The following SCHIP1 variants were observed in gnomAD, a reference collection of about 807,000 sequenced individuals.
The protein encoded by SCHIP1 is schwannomin-interacting protein 1.
SCHIP1 carries 8 observed loss-of-function variants against 29.7 expected under a neutral mutation model. The observed-to-expected ratio is 0.27, with a 90% CI of 0.16 to 0.49. The LOEUF (loss-of-function observed/expected upper bound fraction) is 0.49. Ranked by LOEUF, SCHIP1 falls within the 20% of genes least tolerant of loss-of-function variation. The pLI is 0.99. For missense variants in SCHIP1, 193 were observed against 294.6 expected, an observed-to-expected ratio of 0.66 and a Z score of 2.52; for synonymous variants, 76 against 94.9, an observed-to-expected ratio of 0.80 and a Z score of 1.16.
the SCHIP1 span, among the ~76,000 whole-genome samples, chr3:159,496,261 A>C: frequency 6.6e-6 from 1 of 152,222 alleles, no homozygotes; most frequent in African/African-American, 2.4e-5. Context: ...AATGGGATCT[A>C]ATTAAACTAA....
At chr3:159,600,028 T>C in the SCHIP1 span, among the ~76,000 whole-genome samples, 2 of 152,202 alleles carry the variant, frequency 1.3e-5, no homozygotes, top group Non-Finnish European at 1.5e-5. Context: ...GTTCTTTGAA[T>C]ATATCATCCC....
chr3:159,360,209 C>CA, the SCHIP1 span, among the ~76,000 whole-genome samples: 37 of 152,280 alleles, frequency 2.4e-4, no homozygotes, highest in East Asian at 5.2e-3. Flanking sequence ...TGTAGTCTTA[C>CA]AGCTTAGATT....
chr3:159,860,157 C>T (rs1713884313), intron 1 of SCHIP1, among the ~76,000 whole-genome samples: 1 of 152,178 alleles, frequency 6.6e-6, no homozygotes, highest in Non-Finnish European at 1.5e-5. Flanking sequence ...TGGGATGATG[C>T]AGCCCATAAT....
At chr3:159,789,253 G>T in the SCHIP1 span, among the ~76,000 whole-genome samples, 8,749 of 152,196 alleles carry the variant, frequency 0.057, 348 homozygotes, top group South Asian at 0.2. Context: ...GAGTCTAAAG[G>T]CTGTCTGGAG....
chr3:159,309,945 T>C, the SCHIP1 span, among the ~76,000 whole-genome samples: 5 of 152,168 alleles, frequency 3.3e-5, no homozygotes, highest in Non-Finnish European at 7.3e-5. Flanking sequence ...TTTTCATTCT[T>C]TAGGGAAAGC....
the SCHIP1 span, among the ~76,000 whole-genome samples, chr3:159,393,703 T>TTTGG: frequency 6.6e-6 from 1 of 150,938 alleles, no homozygotes; most frequent in South Asian, 2.1e-4. Flanking sequence ...ACCATGCTGT[T>TTTGG]TTGGTTACTG....
the SCHIP1 span, among the ~76,000 whole-genome samples, chr3:159,376,867 C>T: frequency 3.9e-5 from 6 of 152,160 alleles, no homozygotes; most frequent in Admixed American, 1.3e-4. Context: ...GAGAAAAGCA[C>T]GCTTTATAAG....
intron 2 of SCHIP1, among the ~76,000 whole-genome samples, chr3:159,882,334 T>C (rs763681121): frequency 1.4e-4 from 21 of 152,242 alleles, no homozygotes; most frequent in Non-Finnish European, 2.6e-4. Flanking sequence ...CAAAGTGCTG[T>C]GGACAGGGGG....
At chr3:159,373,620 GTTTGT>G in the SCHIP1 span, among the ~76,000 whole-genome samples, 10 of 151,890 alleles carry the variant, frequency 6.6e-5, no homozygotes, top group Non-Finnish European at 1.5e-4. Flanking sequence ...GCTTCTTTGG[GTTTGT>G]TTTAAGTTTC....
chr3:159,713,984 CCCAA>C, the SCHIP1 span, among the ~76,000 whole-genome samples: 1 of 152,188 alleles, frequency 6.6e-6, no homozygotes, highest in Admixed American at 6.5e-5. Flanking sequence ...TGCCTGTAAT[CCCAA>C]CACTTTGGGA....
intron 3 of SCHIP1, 137 bp downstream of exon 4, chr3:159,886,461 A>G: frequency 1.4e-6 from 1 of 693,164 alleles, no homozygotes; most frequent in Non-Finnish European, 2.4e-6. Context: ...GCATGCTCCT[A>G]AAATTTGACA....
At chr3:159,632,894 C>T in the SCHIP1 span, among the ~76,000 whole-genome samples, 2 of 152,124 alleles carry the variant, frequency 1.3e-5, no homozygotes, top group Non-Finnish European at 2.9e-5. Context: ...TTAAGGGGCA[C>T]ATGTGGGAGA....
chr3:159,828,715 C>G, the SCHIP1 span, among the ~76,000 whole-genome samples: 1 of 151,870 alleles, frequency 6.6e-6, no homozygotes, highest in South Asian at 2.1e-4. Flanking sequence ...ACTATCGCCT[C>G]GGAGCATTGA....
At chr3:159,501,083 G>C in the SCHIP1 span, among the ~76,000 whole-genome samples, 3 of 152,096 alleles carry the variant, frequency 2.0e-5, no homozygotes, top group Non-Finnish European at 4.4e-5. Context: ...TGCTTTTCTG[G>C]AAAATTTCAG....
At chr3:159,344,634 C>T in the SCHIP1 span, among the ~76,000 whole-genome samples, 2 of 152,262 alleles carry the variant, frequency 1.3e-5, no homozygotes, top group East Asian at 3.9e-4. Context: ...CTGTCAAGGT[C>T]CTCAATAGCA....
the SCHIP1 span, among the ~76,000 whole-genome samples, chr3:159,407,943 A>G: frequency 1.3e-5 from 2 of 152,224 alleles, no homozygotes; most frequent in Admixed American, 6.5e-5. Flanking sequence ...AAAACTTCAA[A>G]TAAACAACTT....
At chr3:159,588,239 ATG>A in the SCHIP1 span, among the ~76,000 whole-genome samples, 1 of 152,092 alleles carries the variant, frequency 6.6e-6, no homozygotes, top group Non-Finnish European at 1.5e-5. Flanking sequence ...GCATTTTTTC[ATG>A]TGTCTGTTGG....
At chr3:159,413,598 C>A in the SCHIP1 span, among the ~76,000 whole-genome samples, 1 of 152,104 alleles carries the variant, frequency 6.6e-6, no homozygotes, top group Non-Finnish European at 1.5e-5. Flanking sequence ...TGTCTGAAGG[C>A]TTTTATGGAA....
the SCHIP1 span, among the ~76,000 whole-genome samples, chr3:159,338,471 A>G: frequency 6.6e-6 from 1 of 152,064 alleles, no homozygotes; most frequent in Admixed American, 6.6e-5. Flanking sequence ...GTATAAGATG[A>G]GGTTATGACT....
Sources: allele counts gnomAD v4.1 joint callset (sites outside exome capture counted in the v4.1 genomes callset), GRCh38; gene constraint gnomAD v4.1.1; transcripts MANE v1.5; gene names NCBI Gene and HGNC (gene_info 2026-07-23, HGNC 2026-07-21).